POLE2: variants seen among roughly 807,000 people sequenced by gnomAD.
POLE2 encodes DNA polymerase epsilon 2, accessory subunit, also known as DNA polymerase epsilon subunit 2.
POLE2 carries 56 observed loss-of-function variants against 79.4 expected under a neutral mutation model. The observed-to-expected ratio is 0.71, with a 90% CI of 0.57 to 0.88. POLE2 has a LOEUF of 0.88. Ranked by LOEUF, POLE2 falls within the 40% of genes least tolerant of loss-of-function variation. The probability of loss-of-function intolerance (pLI) is 0.00; values close to 1 mark genes in which losing one functional copy is unlikely to be tolerated. For synonymous variants in POLE2, 212 were observed against 214.0 expected (o/e 0.99, Z 0.08); for missense variants, 598 against 638.9 (o/e 0.94, Z 0.69).
At chr14:49,660,222 A>G (rs1477035168) in intron 10 of POLE2, among the ~76,000 whole-genome samples, 5 of 152,356 alleles carry the variant, frequency 3.3e-5, no homozygotes. Context: ...CACAGAAGCA[A>G]CAGGCTGTAC....
intron 10 of POLE2, among the ~76,000 whole-genome samples, chr14:49,659,214 C>T (rs138981848): frequency 5.3e-5 from 8 of 151,880 alleles, no homozygotes; most frequent in African/African-American, 1.4e-4. Flanking sequence ...GCCAGGAGTT[C>T]GAGACCAGCC....
chr14:49,662,017 G>C (rs887695400), intron 10 of POLE2, among the ~76,000 whole-genome samples: 6 of 152,106 alleles, frequency 3.9e-5, no homozygotes, highest in African/African-American at 1.2e-4. Context: ...TTTGAAGCTT[G>C]TACAAAACAA....
intron 17 of POLE2, among the ~76,000 whole-genome samples, chr14:49,647,681 C>T (rs897228107): frequency 1.1e-4 from 17 of 152,118 alleles, no homozygotes; most frequent in African/African-American, 3.6e-4. Context: ...TAGTCTTGAA[C>T]TCTTGGGCAC....
Position 49,674,223 on chromosome 14 carries a change from A to G in POLE2, c.324-7T>C. On this transcript the variant is annotated splice_region_variant and splice_polypyrimidine_tract_variant and intron_variant, in intron 4 of 18. Coordinates refer to ENST00000216367, the MANE Select transcript of POLE2 (RefSeq NM_002692.4). ...GTGGTTGGTCATTAACAGACTAGAAAAAGAGAATGCCTATTTTTGACTATC... is the reference window on the plus strand; with the variant it reads ...GTGGTTGGTCATTAACAGACTAGAAGAAGAGAATGCCTATTTTTGACTATC... The G allele has an allele frequency of 1.3e-6, 2 of 1,581,890 alleles. No individual in the cohort carries two copies. Among genetic ancestry groups the G allele is most frequent in the African/African-American group, 1.3e-5 (1 of 74,408 alleles).
At chr14:49,681,603 G>A (rs756084803) in intron 2 of POLE2, among the ~76,000 whole-genome samples, 2 of 152,054 alleles carry the variant, frequency 1.3e-5, no homozygotes, top group African/African-American at 2.4e-5. Context: ...GTGAAACCCT[G>A]TCTCTACCAA....
At chr14:49,654,372 T>C (rs2094758183) in intron 13 of POLE2, 158 bp from the exon 14 acceptor site, 3 of 600,874 alleles carry the variant, frequency 5.0e-6, no homozygotes, top group African/African-American at 1.9e-5. Flanking sequence ...AGACCAACAC[T>C]GTCTAGTAAT....
rs532645975 is a variant in POLE2 at position 49,672,333 on chromosome 14, C to CA, written c.417+1789dup. 2.8e-4 allele frequency among the ~76,000 whole-genome samples: 42 copies of CA among 152,272 alleles called. No homozygotes were observed. The South Asian group carries it at 8.1e-3, about 29-fold the overall frequency. On this transcript the variant is annotated intron_variant, in intron 5 of 18. Coordinates refer to ENST00000216367, the MANE Select transcript of POLE2 (RefSeq NM_002692.4). Reference sequence around the variant, plus strand: ...CTATACTTTGGGCAGATTAACCTAGCAACACTATGTCGGCAATGGAAGCAG... The same window carrying CA: ...CTATACTTTGGGCAGATTAACCTAGCAAACACTATGTCGGCAATGGAAGCAG...
chr14:49,669,388 G>C, intron 6 of POLE2, 136 bp downstream of exon 6: 2 of 587,562 alleles, frequency 3.4e-6, no homozygotes, highest in Middle Eastern at 5.7e-4. Context: ...TATCAAAAGT[G>C]GGCATGCAGC....
chr14:49,663,976 G>T (rs1885280010), intron 9 of POLE2, among the ~76,000 whole-genome samples: 3 of 151,772 alleles, frequency 2.0e-5, no homozygotes, highest in Admixed American at 6.6e-5. Context: ...GGCAGAGCTT[G>T]CAGTGAGCCG....
chr14:49,676,566 C>T (rs936122189), intron 3 of POLE2, among the ~76,000 whole-genome samples: 1 of 152,274 alleles, frequency 6.6e-6, no homozygotes, highest in African/African-American at 2.4e-5. Flanking sequence ...CCCCACTGGA[C>T]CTCCATGTAG....
intron 10 of POLE2, among the ~76,000 whole-genome samples, chr14:49,657,258 A>G (rs1884756517): frequency 6.6e-6 from 1 of 152,218 alleles, no homozygotes; most frequent in Non-Finnish European, 1.5e-5. Flanking sequence ...ATTTCACAGT[A>G]ATAGAAAATG....
At position 49,655,942 on chromosome 14, in the gene POLE2, C is replaced by A; in HGVS notation, c.756-99G>T. The stretch of plus-strand genomic sequence containing the variant: ...TCTTTGTATCTAATGAAGTTATTTT[C>A]CAGTGTAAAAAGGTACTCTTTGTAA... On this transcript the variant is annotated intron_variant, in intron 10 of 18. Coordinates refer to ENST00000216367, the MANE Select transcript of POLE2 (RefSeq NM_002692.4). 7.7e-6 allele frequency: 5 copies of A among 648,298 alleles called. No homozygotes were observed. The East Asian group carries it at 1.4e-4, about 19-fold the overall frequency. The allele number at this position is 648,298 out of a possible 1,614,324, so 40.2% of individuals were successfully genotyped here. A position where few individuals can be genotyped will look rare whatever the true frequency, so the allele number is the denominator to read the frequency against.
chr14:49,679,744 G>T lies in POLE2; in HGVS notation c.226C>A (p.Gln76Lys). 1 of 1,597,474 alleles carries T rather than the reference G, an allele frequency of 6.3e-7. No individual in the cohort carries two copies. Among genetic ancestry groups the T allele is most frequent in the Non-Finnish European group, 8.6e-7 (1 of 1,165,246 alleles). The change falls in exon 3 of 19, where the codon CAG becomes AAG. Residue 76 changes from glutamine to lysine, a missense_variant. Physicochemically the swap from Gln to Lys is moderately conservative, Grantham distance 53 (BLOSUM62 1). Coordinates refer to ENST00000216367, the MANE Select transcript of POLE2 (RefSeq NM_002692.4). ...VVEAAVQECSQSVDETIEHVF... is the reference protein window; with the variant it reads ...VVEAAVQECSKSVDETIEHVF... ...ACATACATAGTTTCATCAACAGACT[G>T]ACTGCATTCCTGGACTGCTGCTTCC...
intron 17 of POLE2, 152 bp from the exon 18 acceptor site, chr14:49,647,512 G>A (rs1883874118): frequency 3.5e-6 from 1 of 282,244 alleles, no homozygotes; most frequent in Admixed American, 5.2e-5. Flanking sequence ...AGGCTGGAGT[G>A]CAGTGGGGCA....
chr14:49,653,709 A>G (rs1351246937), intron 15 of POLE2, among the ~76,000 whole-genome samples: 2 of 151,920 alleles, frequency 1.3e-5, no homozygotes, highest in Non-Finnish European at 2.9e-5. Context: ...GGAATGCAGT[A>G]GTGCATTCTC....
chr14:49,679,144 C>G (rs1386766880), intron 3 of POLE2, among the ~76,000 whole-genome samples: 1 of 152,116 alleles, frequency 6.6e-6, no homozygotes, highest in Non-Finnish European at 1.5e-5. Flanking sequence ...TTAAAACTGT[C>G]TCTCAGCCCA....
In POLE2 at chr14:49,683,686, T is replaced by C. The variant is rs147671480; in HGVS notation, c.76A>G (p.Ile26Val). Residue 26 changes from isoleucine (I) to valine (V), a missense_variant, in exon 2 of 19, where the codon ATT (isoleucine) becomes GTT (valine). Ile to Val is a conservative substitution (Grantham distance 29). Transcript: ENST00000216367. ...LRGLLLRGEA[I>V]KYLTEALQSI... ...TGAAGAGCTTCTGTGAGGTACTTAA[T>C]AGCTTCACTAAGAAAAGGAAAGGAA... The C allele has an allele frequency of 3.3e-6, 5 of 1,506,808 alleles. No individual in the cohort carries two copies. The highest frequency in any genetic ancestry group is 2.8e-5 in the African/African-American group (2 of 71,954). The allele number at this position is 1,506,808 out of a possible 1,614,324, so 93.3% of individuals were successfully genotyped here. A position where few individuals can be genotyped will look rare whatever the true frequency, so the allele number is the denominator to read the frequency against.
chr14:49,654,649 C>CTCTTAGT, intron 13 of POLE2, 135 bp downstream of exon 13: 1 of 1,024,252 alleles, frequency 9.8e-7, no homozygotes, highest in Non-Finnish European at 1.3e-6. Context: ...ATAACTTTAT[C>CTCTTAGT]TCTTAGTTCT....
rs76834658 is a variant in POLE2 at position 49,647,170 on chromosome 14, A to G, written c.1565+123T>C. On this transcript the variant is annotated intron_variant, in intron 18 of 18. Transcript: ENST00000216367. ...ATAACCGTGATAAGCTCAGCCAATA[A>G]TATTTCTTTATGGGCCACTGTAGAC... The G allele has an allele frequency of 1.2e-4, 72 of 603,318 alleles. 2 individuals carry two copies. In the East Asian group the frequency reaches 1.8e-3, roughly 15 times the overall value. The allele number at this position is 603,318 out of a possible 1,614,324, so 37.4% of individuals were successfully genotyped here.
Sources: gnomAD v4.1 joint callset for allele counts (sites outside exome capture counted in the v4.1 genomes callset) on GRCh38, gnomAD v4.1.1 for gene constraint, MANE v1.5 for transcripts, NCBI Gene and HGNC (gene_info 2026-07-23, HGNC 2026-07-21) for gene names.